Variants in MANBA observed in about 807,000 individuals in gnomAD.
MANBA encodes the protein beta-mannosidase.
MANBA carries 83 observed loss-of-function variants against 111.1 expected under a neutral mutation model. The observed-to-expected ratio is 0.75, with a 90% CI of 0.63 to 0.90. The LOEUF (loss-of-function observed/expected upper bound fraction) is 0.90. MANBA is among the 40% of genes least tolerant of loss of function. The probability of loss-of-function intolerance (pLI) is 0.00; values close to 1 mark genes in which losing one functional copy is unlikely to be tolerated. For synonymous variants in MANBA, 370 were observed against 378.7 expected, an observed-to-expected ratio of 0.98 and a Z score of 0.27; for missense variants, 1,036 against 1,069.0, an observed-to-expected ratio of 0.97 and a Z score of 0.43.
At chr4:102,724,481 C>T (rs1722710871) in intron 2 of MANBA, among the ~76,000 whole-genome samples, 1 of 151,062 alleles carries the variant, frequency 6.6e-6, no homozygotes, top group African/African-American at 2.4e-5. Flanking sequence ...AACACTTGAA[C>T]CCAGGAGGCG....
At chr4:102,698,445 G>C (rs1732844747) in intron 5 of MANBA, among the ~76,000 whole-genome samples, 1 of 149,202 alleles carries the variant, frequency 6.7e-6, no homozygotes, top group Non-Finnish European at 1.5e-5. Flanking sequence ...CCTATGTCCT[G>C]AATGGTAATG....
At chr4:102,719,583 A>G (rs1722483870) in intron 4 of MANBA, among the ~76,000 whole-genome samples, 2 of 152,220 alleles carry the variant, frequency 1.3e-5, no homozygotes, top group African/African-American at 4.8e-5. Flanking sequence ...ACCTAAGCTG[A>G]GCATCTTGTT....
intron 13 of MANBA, among the ~76,000 whole-genome samples, chr4:102,641,991 C>T (rs1362746894): frequency 6.6e-6 from 1 of 151,820 alleles, no homozygotes; most frequent in Non-Finnish European, 1.5e-5. Context: ...ACACTCCACA[C>T]ACAGATGGTA....
intron 1 of MANBA, among the ~76,000 whole-genome samples, chr4:102,739,613 G>T (rs373755780): frequency 4.6e-5 from 7 of 152,054 alleles, no homozygotes; most frequent in Admixed American, 3.3e-4. Context: ...TGATCAAGTG[G>T]GTTTCATACC....
chr4:102,748,197 C>T (rs1723656681), intron 1 of MANBA, among the ~76,000 whole-genome samples: 1 of 152,052 alleles, frequency 6.6e-6, no homozygotes, highest in Non-Finnish European at 1.5e-5. Flanking sequence ...TTGTGAAGCT[C>T]AAAAAACATC....
At chr4:102,702,258 C>T (rs566462391) in intron 5 of MANBA, among the ~76,000 whole-genome samples, 31 of 151,494 alleles carry the variant, frequency 2.0e-4, no homozygotes, top group Non-Finnish European at 3.1e-4. Flanking sequence ...GTTATACATT[C>T]GTCTAAATTC....
intron 16 of MANBA, among the ~76,000 whole-genome samples, chr4:102,633,005 G>C (rs1280832731): frequency 6.6e-6 from 1 of 152,196 alleles, no homozygotes; most frequent in African/African-American, 2.4e-5. Flanking sequence ...CTGTGCATTT[G>C]TCATGCAACA....
intron 16 of MANBA, 145 bp downstream of exon 16, chr4:102,634,643 G>T: frequency 9.2e-7 from 1 of 1,092,344 alleles, no homozygotes; most frequent in Non-Finnish European, 1.4e-6. Flanking sequence ...CTTTTAGTGG[G>T]AAGAGGCCAA....
chr4:102,722,875 C>T lies in MANBA; in HGVS notation c.545G>A (p.Arg182Gln), dbSNP rs759103361. The change falls in exon 4 of 17, where the codon CGG becomes CAG. Residue 182 changes from arginine to glutamine, a missense_variant. Transcript: ENST00000647097. The stretch of plus-strand genomic sequence containing the variant: ...ACCTGTTTGAGAGACCATTACCTTC[C>T]GAACAAAGTTGACATGGCATTCACC... ...QKGECHVNFVRKEQCSFSWDW... is the reference protein window; with the variant it reads ...QKGECHVNFVQKEQCSFSWDW... 17 of 1,613,920 alleles carry T rather than the reference C, an allele frequency of 1.1e-5. No homozygotes were observed. Among genetic ancestry groups the T allele is most frequent in the African/African-American group, 6.7e-5 (5 of 74,910 alleles).
intron 1 of MANBA, among the ~76,000 whole-genome samples, chr4:102,734,119 T>C (rs1723123728): frequency 6.6e-6 from 1 of 152,218 alleles, no homozygotes; most frequent in African/African-American, 2.4e-5. Context: ...CTGATAAAGA[T>C]GTGTCAATGT....
chr4:102,690,815 T>A (rs1367892741), intron 5 of MANBA, 44 bp from the exon 6 acceptor site: 6 of 711,770 alleles, frequency 8.4e-6, no homozygotes, highest in African/African-American at 1.8e-5. Flanking sequence ...ATATATATAA[T>A]ATGCTAAGCA....
chr4:102,745,929 T>C (rs1723569723), intron 1 of MANBA, among the ~76,000 whole-genome samples: 1 of 152,206 alleles, frequency 6.6e-6, no homozygotes, highest in Non-Finnish European at 1.5e-5. Context: ...GCTGGGACTT[T>C]AGTCTAGGTA....
chr4:102,733,349 ATTTT>A (rs563303596), intron 1 of MANBA, among the ~76,000 whole-genome samples: 2 of 136,202 alleles, frequency 1.5e-5, no homozygotes, highest in Admixed American at 7.4e-5. Flanking sequence ...TCCTCTCTGC[ATTTT>A]TTTTTTTTTT....
At chr4:102,699,509 CTTA>C (rs1451778122) in intron 5 of MANBA, among the ~76,000 whole-genome samples, 1 of 150,178 alleles carries the variant, frequency 6.7e-6, no homozygotes, top group Non-Finnish European at 1.5e-5. Context: ...ATAGATAGCT[CTTA>C]TTATTTTGAG....
At chr4:102,724,056 A>T (rs1026213818) in intron 2 of MANBA, 89 bp from the exon 3 acceptor site, 2 of 730,614 alleles carry the variant, frequency 2.7e-6, no homozygotes. Flanking sequence ...CTAAAGAAAT[A>T]AATATTCCAC....
chr4:102,697,976 A>G (rs1206784150), intron 5 of MANBA, among the ~76,000 whole-genome samples: 1 of 151,732 alleles, frequency 6.6e-6, no homozygotes, highest in African/African-American at 2.4e-5. Flanking sequence ...TCCCACCAAC[A>G]GTGTAAAAGT....
chr4:102,760,647 G>T, intron 1 of MANBA, 71 bp downstream of exon 1: 7 of 1,437,154 alleles, frequency 4.9e-6, no homozygotes, highest in Middle Eastern at 2.5e-4. Flanking sequence ...GCTGCCAGGC[G>T]GTTCCTGGGC....
intron 4 of MANBA, among the ~76,000 whole-genome samples, chr4:102,718,246 C>T (rs73836843): frequency 0.012 from 1,876 of 152,282 alleles, 29 homozygotes; most frequent in African/African-American, 0.031. Context: ...ATCACAAGTG[C>T]GGTGTGGCGC....
intron 2 of MANBA, among the ~76,000 whole-genome samples, chr4:102,724,912 G>A (rs1722736284): frequency 6.6e-6 from 1 of 152,204 alleles, no homozygotes; most frequent in African/African-American, 2.4e-5. Context: ...ATGAAGTACT[G>A]ATACATGCTA....
Sources: allele counts gnomAD v4.1 joint callset (sites outside exome capture counted in the v4.1 genomes callset), GRCh38; gene constraint gnomAD v4.1.1; transcripts MANE v1.5; gene names NCBI Gene and HGNC (gene_info 2026-07-23, HGNC 2026-07-21).